TFCP2: variants seen among roughly 807,000 people sequenced by gnomAD.
The protein encoded by TFCP2 is alpha-globin transcription factor CP2.
A neutral mutation model predicts 73.4 loss-of-function variants in TFCP2; 33 were observed. The observed-to-expected ratio is 0.45, with a 90% CI of 0.34 to 0.60. The LOEUF (loss-of-function observed/expected upper bound fraction) is 0.60, where lower values mean the gene tolerates loss of function less well. Among genes scored for constraint, TFCP2 ranks in the 20% least tolerant of loss-of-function variants. The probability of loss-of-function intolerance (pLI) is 0.01; values close to 1 mark genes in which losing one functional copy is unlikely to be tolerated. For missense variants in TFCP2, 352 were observed against 604.0 expected (o/e 0.58, Z 4.37); for synonymous variants, 193 against 211.6 (o/e 0.91, Z 0.76).
chr12:51,128,416 T>G (rs1450881122), intron 1 of TFCP2, among the ~76,000 whole-genome samples: 1 of 151,820 alleles, frequency 6.6e-6, no homozygotes, highest in Non-Finnish European at 1.5e-5. Context: ...GCATGGCACT[T>G]GTATACATAT....
At chr12:51,151,679 G>A (rs143441051) in intron 1 of TFCP2, among the ~76,000 whole-genome samples, 3,350 of 152,048 alleles carry the variant, frequency 0.022, 109 homozygotes, top group African/African-American at 0.074. Context: ...CTTGTGATCC[G>A]CCCGCCTCGG....
At position 51,106,472 on chromosome 12, in the gene TFCP2, G is replaced by C. The variant is rs1167847693; in HGVS notation, c.917+53C>G. 3 of 1,354,178 alleles carry C rather than the reference G, an allele frequency of 2.2e-6. No homozygotes were observed. In the African/African-American group the frequency reaches 4.4e-5, roughly 20 times the overall value. The allele number at this position is 1,354,178 out of a possible 1,614,324, so 83.9% of individuals were successfully genotyped here. A position where few individuals can be genotyped will look rare whatever the true frequency, so the allele number is the denominator to read the frequency against. ...AAGATCTTGTTTATGAACAGGTAATGAAAGAATATATATTTTGGACAAATA... is the reference window on the plus strand; with the variant it reads ...AAGATCTTGTTTATGAACAGGTAATCAAAGAATATATATTTTGGACAAATA... On this transcript the variant is annotated intron_variant, in intron 8 of 14. Coordinates refer to ENST00000257915, the MANE Select transcript of TFCP2 (RefSeq NM_005653.5).
At chr12:51,161,980 T>C (rs1279525690) in intron 1 of TFCP2, among the ~76,000 whole-genome samples, 1 of 150,516 alleles carries the variant, frequency 6.6e-6, no homozygotes, top group African/African-American at 2.4e-5. Context: ...ATTTTAAAAA[T>C]ATAAAAATGA....
chr12:51,100,223 C>CT (rs1940076981), intron 11 of TFCP2, among the ~76,000 whole-genome samples: 1 of 152,194 alleles, frequency 6.6e-6, no homozygotes, highest in African/African-American at 2.4e-5. Context: ...AAGCCACCGT[C>CT]TAATGGGTCA....
intron 1 of TFCP2, chr12:51,125,330 A>T (rs530525792): frequency 9.5e-5 from 49 of 514,388 alleles, no homozygotes; most frequent in African/African-American, 8.8e-4. Context: ...CACATTATAT[A>T]AGGCAGAGTT....
intron 4 of TFCP2, among the ~76,000 whole-genome samples, chr12:51,112,715 A>G (rs1048643342): frequency 6.6e-6 from 1 of 152,108 alleles, no homozygotes; most frequent in African/African-American, 2.4e-5. Context: ...ACAAATATAA[A>G]AATTAGCTGG....
intron 1 of TFCP2, among the ~76,000 whole-genome samples, chr12:51,122,253 C>CTTTT (rs11347975): frequency 0.021 from 1,502 of 71,980 alleles, no homozygotes; most frequent in Non-Finnish European, 0.027. Flanking sequence ...TTTTTCTTTT[C>CTTTT]TTTTTTTTTT....
intron 6 of TFCP2, among the ~76,000 whole-genome samples, chr12:51,108,438 A>G (rs1157865630): frequency 6.6e-6 from 1 of 152,234 alleles, no homozygotes; most frequent in Admixed American, 6.5e-5. Context: ...GTATTATTCA[A>G]TCTCTTACAA....
intron 1 of TFCP2, among the ~76,000 whole-genome samples, chr12:51,131,373 T>A (rs1940941768): frequency 1.3e-5 from 2 of 151,476 alleles, no homozygotes; most frequent in Admixed American, 6.6e-5. Context: ...ATTGACAAAT[T>A]ATATTAAAGG....
chr12:51,099,074 G>GC (rs1940042046), intron 12 of TFCP2, among the ~76,000 whole-genome samples, 156 bp from the exon 13 acceptor site: 1 of 152,132 alleles, frequency 6.6e-6, no homozygotes, highest in African/African-American at 2.4e-5. Context: ...GTGACCTAGG[G>GC]CAAGTTATTT....
chr12:51,102,933 G>A (rs1940147289), intron 10 of TFCP2, among the ~76,000 whole-genome samples: 1 of 149,854 alleles, frequency 6.7e-6, no homozygotes, highest in African/African-American at 2.5e-5. Flanking sequence ...GATGATTAAT[G>A]GGCTATTTGA....
Position 51,104,197 on chromosome 12 carries a change from A to G in TFCP2, c.924T>C (p.Gly308=). 1 of 1,613,952 alleles carries G rather than the reference A, an allele frequency of 6.2e-7. No homozygotes were observed. Among genetic ancestry groups the G allele is most frequent in the Non-Finnish European group, 8.5e-7 (1 of 1,179,930 alleles). ...HSSFSLGEGN[G]SPNHQPEPPP... Reference sequence around the variant, plus strand: ...GTGGCTCTGGCTGGTGGTTTGGTGAACCATTTCTAAAGAAACATTTAAAAT... The same window carrying G: ...GTGGCTCTGGCTGGTGGTTTGGTGAGCCATTTCTAAAGAAACATTTAAAAT... Residue 308 remains glycine, a synonymous_variant, in exon 9 of 15, where the codon GGT becomes GGC. Coordinates refer to ENST00000257915, the MANE Select transcript of TFCP2 (RefSeq NM_005653.5).
rs552042134 is a variant in TFCP2, at chr12:51,125,913, T to A, written c.123-7141A>T. The stretch of plus-strand genomic sequence containing the variant: ...CAGATCAAGACCATCCTGGTCAACA[T>A]GGTGAAACCCCGCCTCTACTAAAAA... On this transcript the variant is annotated intron_variant, in intron 1 of 14. Coordinates refer to ENST00000257915, the MANE Select transcript of TFCP2 (RefSeq NM_005653.5). 2.6e-5 allele frequency among the ~76,000 whole-genome samples: 4 copies of A among 152,122 alleles called. No individual in the cohort carries two copies. The East Asian group carries it at 7.7e-4, about 29-fold the overall frequency.
At position 51,170,039 on chromosome 12, in the gene TFCP2, A is replaced by C. The variant is rs551900380; in HGVS notation, c.122+2262T>G. On this transcript the variant is annotated intron_variant, in intron 1 of 14. Transcript: ENST00000257915. ...TTTCCAGCCTAACCTCTGGTAACCT[A>C]AACAAAATCAAACTTTTTGCTGTGA... 2.1e-4 allele frequency among the ~76,000 whole-genome samples: 32 copies of C among 152,362 alleles called. No individual in the cohort carries two copies. In the South Asian group the frequency reaches 4.3e-3, roughly 21 times the overall value.
intron 1 of TFCP2, among the ~76,000 whole-genome samples, chr12:51,125,689 T>G (rs1336622029): frequency 6.6e-6 from 1 of 152,268 alleles, no homozygotes; most frequent in Non-Finnish European, 1.5e-5. Context: ...TTAAATTTGC[T>G]GTAATTCTGT....
chr12:51,109,081 G>A, intron 6 of TFCP2, 40 bp downstream of exon 6: 2 of 1,600,260 alleles, frequency 1.2e-6, no homozygotes, highest in Non-Finnish European at 1.7e-6. Context: ...AGAATGATAA[G>A]GTAAAAGAAT....
intron 1 of TFCP2, among the ~76,000 whole-genome samples, chr12:51,134,656 G>C (rs1415097552): frequency 6.6e-6 from 1 of 152,070 alleles, no homozygotes; most frequent in Non-Finnish European, 1.5e-5. Flanking sequence ...TACTGTTCTA[G>C]TCTTTTGTGC....
chr12:51,148,643 T>C lies in TFCP2; in HGVS notation c.122+23658A>G, dbSNP rs1302621251. Among the ~76,000 whole-genome samples the C allele has an allele frequency of 6.4e-5, 9 of 141,332 alleles. No homozygotes were observed. In the East Asian group the frequency reaches 1.8e-3, roughly 29 times the overall value. The allele number at this position is 141,332 out of a possible 152,430, so 92.7% of individuals were successfully genotyped here. On this transcript the variant is annotated intron_variant, in intron 1 of 14. Transcript: ENST00000257915. ...TGAACCCAGGAGGAAGAGGTTGCAG[T>C]GAGCCGAGATTGCACCACTGCACTC...
chr12:51,095,813 CAAAAAAAAAAAA>C (rs34105291), intron 14 of TFCP2, among the ~76,000 whole-genome samples, 164 bp downstream of exon 14: 7 of 84,180 alleles, frequency 8.3e-5, no homozygotes, highest in Middle Eastern at 6.9e-3. Context: ...GACTCTGTTT[CAAAAAAAAAAAA>C]AAAAAAAAAA....
Sources: gnomAD v4.1 joint callset for allele counts (sites outside exome capture counted in the v4.1 genomes callset) on GRCh38, gnomAD v4.1.1 for gene constraint, MANE v1.5 for transcripts, NCBI Gene and HGNC (gene_info 2026-07-23, HGNC 2026-07-21) for gene names.